The following KIAA0040 variants were observed in gnomAD, a reference collection of about 807,000 sequenced individuals.
The protein encoded by KIAA0040 is KIAA0040.
KIAA0040 carries 10 observed loss-of-function variants against 7.2 expected under a neutral mutation model. The ratio of observed to expected loss-of-function variants is 1.38; its 90% CI spans 0.85 to 2.34. The LOEUF (loss-of-function observed/expected upper bound fraction) is 2.34, where lower values mean the gene tolerates loss of function less well. KIAA0040 is among the 30% of genes most tolerant of loss of function. The pLI, the probability that KIAA0040 is intolerant of heterozygous loss-of-function variation, is 0.00. For synonymous variants in KIAA0040, 49 were observed against 40.1 expected (o/e 1.22, Z -0.84); for missense variants, 89 against 108.2 (o/e 0.82, Z 0.79).
intron 1 of KIAA0040, among the ~76,000 whole-genome samples, chr1:175,189,438 CCCAGGAGTCCTTGTGCAGTACACAA>C (rs1306461221): frequency 6.6e-6 from 1 of 152,182 alleles, no homozygotes; most frequent in Admixed American, 6.5e-5. Flanking sequence ...TCCAAAGACT[CCCAGGAGTCCTTGTGCAGTACACAA>C]CCTGCACAAG....
At chr1:175,167,647 T>C (rs978504448) in intron 2 of KIAA0040, among the ~76,000 whole-genome samples, 1 of 151,990 alleles carries the variant, frequency 6.6e-6, no homozygotes, top group Non-Finnish European at 1.5e-5. Context: ...AGAGGACAGA[T>C]GGGAGAGGGT....
rs1343148374 is a variant in KIAA0040 at position 175,158,230 on chromosome 1, T to G, written c.*2484A>C. On this transcript the variant is annotated 3_prime_UTR_variant, in exon 4 of 4. Coordinates refer to ENST00000423313, the MANE Select transcript of KIAA0040 (RefSeq NM_014656.3). ...GGAAAAGAGAGGCCCCATTCTGGGT[T>G]TGGCTCTTCTGAGTCATCGGCTGTG... 3 of 152,354 alleles carry G rather than the reference T, an allele frequency of 2.0e-5. No homozygotes were observed. The highest frequency in any genetic ancestry group is 7.2e-5 in the African/African-American group (3 of 41,434). The allele number at this position is 152,354 out of a possible 1,614,324, so 9.4% of individuals were successfully genotyped here.
intron 2 of KIAA0040, among the ~76,000 whole-genome samples, chr1:175,175,865 G>A (rs978313624): frequency 3.3e-5 from 5 of 152,050 alleles, no homozygotes; most frequent in Middle Eastern, 3.4e-3. Context: ...ATCACACACT[G>A]GGGCCCATCG....
intron 1 of KIAA0040, among the ~76,000 whole-genome samples, chr1:175,180,869 A>G (rs1160659934): frequency 6.6e-6 from 1 of 152,204 alleles, no homozygotes; most frequent in Admixed American, 6.5e-5. Context: ...TTTTTAAAAA[A>G]TATACAGGGT....
rs1221186979 is a variant in KIAA0040 at position 175,159,368 on chromosome 1, T to C, written c.*1346A>G. ...ACCCAATTTCATCCATTGCAGCAAT[T>C]AGTGGGCTCACTTAGAAGAGAAGAT... is the stretch of plus-strand genomic sequence containing the variant. On this transcript the variant is annotated 3_prime_UTR_variant, in exon 4 of 4. Coordinates refer to ENST00000423313, the MANE Select transcript of KIAA0040 (RefSeq NM_014656.3). The C allele has an allele frequency of 2.0e-5, 3 of 152,180 alleles. No homozygotes were observed. Among genetic ancestry groups the C allele is most frequent in the Non-Finnish European group, 2.9e-5 (2 of 68,022 alleles). The allele number at this position is 152,180 out of a possible 1,614,324, so 9.4% of individuals were successfully genotyped here. A position where few individuals can be genotyped will look rare whatever the true frequency, so the allele number is the denominator to read the frequency against.
chr1:175,189,074 G>A (rs1050965479), intron 1 of KIAA0040, among the ~76,000 whole-genome samples: 3 of 152,126 alleles, frequency 2.0e-5, no homozygotes, highest in Non-Finnish European at 4.4e-5. Flanking sequence ...GAAGGGGTGG[G>A]GCTGGCTCTT....
intron 3 of KIAA0040, among the ~76,000 whole-genome samples, chr1:175,163,821 AG>A (rs1676646585): frequency 6.6e-6 from 1 of 152,202 alleles, no homozygotes; most frequent in African/African-American, 2.4e-5. Context: ...CTGTTCCTAC[AG>A]GGAGCAGATG....
At chr1:175,181,684 T>G (rs1184464682) in intron 1 of KIAA0040, among the ~76,000 whole-genome samples, 2 of 152,160 alleles carry the variant, frequency 1.3e-5, no homozygotes, top group African/African-American at 4.8e-5. Flanking sequence ...CAAGGGAAAT[T>G]CAAACAAATG....
intron 1 of KIAA0040, among the ~76,000 whole-genome samples, chr1:175,182,994 C>G (rs1677499039): frequency 6.6e-6 from 1 of 152,184 alleles, no homozygotes; most frequent in Admixed American, 6.5e-5. Flanking sequence ...CGCCACTGTT[C>G]CATTATTTCA....
chr1:175,185,372 T>C (rs1348119206), intron 1 of KIAA0040, among the ~76,000 whole-genome samples: 13 of 152,216 alleles, frequency 8.5e-5, no homozygotes, highest in Non-Finnish European at 1.6e-4. Flanking sequence ...TTGCTGTTGT[T>C]AGCTGTTGCT....
At chr1:175,182,789 C>A (rs1357350257) in intron 1 of KIAA0040, among the ~76,000 whole-genome samples, 1 of 152,210 alleles carries the variant, frequency 6.6e-6, no homozygotes. Flanking sequence ...TTGTGGGAAC[C>A]AGATGAGTTA....
intron 1 of KIAA0040, among the ~76,000 whole-genome samples, chr1:175,180,130 T>C (rs1460550223): frequency 6.6e-6 from 1 of 152,180 alleles, no homozygotes; most frequent in Non-Finnish European, 1.5e-5. Context: ...TGGGGAAACC[T>C]TCCTTGACCT....
chr1:175,169,935 C>T (rs1676919060), intron 2 of KIAA0040, among the ~76,000 whole-genome samples: 1 of 152,146 alleles, frequency 6.6e-6, no homozygotes, highest in African/African-American at 2.4e-5. Context: ...TAGGATGTGT[C>T]AGTTCCGGTC....
At position 175,175,963 on chromosome 1, in the gene KIAA0040, A is replaced by G. The variant is rs12084117; in HGVS notation, c.-310+1648T>C. ...TGGGTGCAGCACATCAACATGGCAC[A>G]TGTATACATATGTAACAAACCTGCA... is the stretch of plus-strand genomic sequence containing the variant. On this transcript the variant is annotated intron_variant, in intron 2 of 3. Coordinates refer to ENST00000423313, the MANE Select transcript of KIAA0040 (RefSeq NM_014656.3). 9.8e-3 allele frequency among the ~76,000 whole-genome samples: 1,497 copies of G among 152,344 alleles called. 22 individuals are homozygous for G. Among genetic ancestry groups the G allele is most frequent in the African/African-American group, 0.029 (1,203 of 41,572 alleles).
At chr1:175,170,567 T>C (rs998926156) in intron 2 of KIAA0040, among the ~76,000 whole-genome samples, 3 of 152,118 alleles carry the variant, frequency 2.0e-5, no homozygotes, top group African/African-American at 7.2e-5. Flanking sequence ...TAGGTGCTAA[T>C]AAATATGGGA....
intron 1 of KIAA0040, among the ~76,000 whole-genome samples, chr1:175,179,501 T>C (rs1210018074): frequency 1.3e-5 from 2 of 152,102 alleles, no homozygotes; most frequent in Non-Finnish European, 2.9e-5. Context: ...TAGACAAAAA[T>C]CTAATTATAA....
At chr1:175,180,115 T>C (rs926947737) in intron 1 of KIAA0040, among the ~76,000 whole-genome samples, 2 of 152,220 alleles carry the variant, frequency 1.3e-5, no homozygotes, top group Admixed American at 1.3e-4. Context: ...TCAACATTGT[T>C]GCCCTGGGGA....
intron 3 of KIAA0040, among the ~76,000 whole-genome samples, chr1:175,161,578 TA>T (rs1676546365): frequency 6.6e-6 from 1 of 152,204 alleles, no homozygotes. Flanking sequence ...AACCTTTTAT[TA>T]ACATAACTTG....
intron 1 of KIAA0040, among the ~76,000 whole-genome samples, chr1:175,185,220 C>T (rs1235154321): frequency 4.6e-5 from 7 of 151,952 alleles, no homozygotes; most frequent in Admixed American, 2.6e-4. Flanking sequence ...AAATCCAAAA[C>T]ATGTCTAATC....
Sources: gnomAD v4.1 joint callset for allele counts (sites outside exome capture counted in the v4.1 genomes callset) on GRCh38, gnomAD v4.1.1 for gene constraint, MANE v1.5 for transcripts, NCBI Gene and HGNC (gene_info 2026-07-23, HGNC 2026-07-21) for gene names.